ME3: variants seen among roughly 807,000 people sequenced by gnomAD.
ME3 encodes the protein NADP-dependent malic enzyme, mitochondrial.
In ME3, 48 loss-of-function variants were observed where a neutral mutation model predicts 68.9. That is an observed-to-expected ratio of 0.70 (90% confidence interval 0.55 to 0.89). ME3 has a LOEUF of 0.89. ME3 is among the 40% of genes least tolerant of loss of function. The probability of loss-of-function intolerance (pLI) is 0.00; values close to 1 mark genes in which losing one functional copy is unlikely to be tolerated. For missense variants in ME3, 675 were observed against 797.4 expected (o/e 0.85, Z 1.85); for synonymous variants, 320 against 318.8 (o/e 1.00, Z -0.04).
intron 2 of ME3, chr11:86,668,329 A>T (rs935205400): frequency 6.6e-6 from 1 of 152,226 alleles, no homozygotes; most frequent in African/African-American, 2.4e-5. Flanking sequence ...GTCATTTTAC[A>T]TGCTGACCTG....
intron 2 of ME3, among the ~76,000 whole-genome samples, chr11:86,587,690 G>A (rs1958821046): frequency 6.6e-6 from 1 of 152,194 alleles, no homozygotes; most frequent in Admixed American, 6.5e-5. Flanking sequence ...CGGTTTGTGT[G>A]AGCAAGCATC....
In ME3 at chr11:86,610,880, C is replaced by T. The variant is rs565077234; in HGVS notation, c.184-51057G>A. On this transcript the variant is annotated intron_variant, in intron 2 of 14. Transcript: ENST00000543262. ...AAGTGTTTTGCTGAACAAAACAGCA[C>T]CAACTGTTGGCCAGAAAAGCCAGGC... 4.6e-5 allele frequency among the ~76,000 whole-genome samples: 7 copies of T among 152,250 alleles called. No individual in the cohort carries two copies. The East Asian group carries it at 1.4e-3, about 29-fold the overall frequency.
chr11:86,599,261 C>T (rs931236061), intron 2 of ME3, among the ~76,000 whole-genome samples: 1 of 152,154 alleles, frequency 6.6e-6, no homozygotes, highest in African/African-American at 2.4e-5. Context: ...CTTAAAGGAG[C>T]TGATGAAGCT....
At chr11:86,531,870 A>G (rs1955262860) in intron 4 of ME3, among the ~76,000 whole-genome samples, 1 of 152,032 alleles carries the variant, frequency 6.6e-6, no homozygotes, top group Non-Finnish European at 1.5e-5. Flanking sequence ...AGATATACCT[A>G]ATATTAAATG....
chr11:86,557,794 A>G (rs904852160), intron 3 of ME3, among the ~76,000 whole-genome samples: 1 of 152,128 alleles, frequency 6.6e-6, no homozygotes, highest in Admixed American at 6.5e-5. Context: ...TCTTTTCTCA[A>G]TTCTACATTC....
At chr11:86,541,362 A>C (rs1010241289) in intron 4 of ME3, among the ~76,000 whole-genome samples, 1 of 151,978 alleles carries the variant, frequency 6.6e-6, no homozygotes. Context: ...AGTGGATCCC[A>C]CTCCCACAGA....
chr11:86,468,325 A>C (rs1287793776), intron 7 of ME3, among the ~76,000 whole-genome samples: 2 of 152,058 alleles, frequency 1.3e-5, no homozygotes, highest in East Asian at 3.9e-4. Context: ...ATCTATCATC[A>C]TCCAACCATC....
chr11:86,542,953 C>G (rs1956137511), intron 4 of ME3, among the ~76,000 whole-genome samples: 1 of 152,214 alleles, frequency 6.6e-6, no homozygotes, highest in African/African-American at 2.4e-5. Flanking sequence ...AACAGAGGAT[C>G]TTTCTGCAGA....
chr11:86,611,942 ATTTT>A (rs1194199847), intron 2 of ME3, among the ~76,000 whole-genome samples: 2 of 152,132 alleles, frequency 1.3e-5, no homozygotes, highest in African/African-American at 2.4e-5. Flanking sequence ...TTTATTTTTA[ATTTT>A]TATTTCTTCT....
chr11:86,654,954 C>A (rs1037439370), intron 2 of ME3, among the ~76,000 whole-genome samples: 1 of 152,168 alleles, frequency 6.6e-6, no homozygotes, highest in African/African-American at 2.4e-5. Flanking sequence ...ACACAAATAA[C>A]AGACAAACAG....
chr11:86,598,301 C>T (rs76851682), intron 2 of ME3, among the ~76,000 whole-genome samples: 47 of 152,342 alleles, frequency 3.1e-4, no homozygotes, highest in Admixed American at 1.9e-3. Context: ...GATTATATCC[C>T]GCACCTGGCT....
chr11:86,660,391 A>C (rs1330587149), intron 2 of ME3, among the ~76,000 whole-genome samples: 2 of 152,236 alleles, frequency 1.3e-5, no homozygotes, highest in African/African-American at 4.8e-5. Context: ...ATGTGCATTA[A>C]TCAAGAACTA....
At chr11:86,505,042 C>T (rs1447776128) in intron 5 of ME3, among the ~76,000 whole-genome samples, 2 of 152,190 alleles carry the variant, frequency 1.3e-5, no homozygotes, top group Admixed American at 6.5e-5. Flanking sequence ...GAAGTCCTTA[C>T]TCCAACTTCT....
chr11:86,440,330 G>A (rs899984388), downstream of ME3, among the ~76,000 whole-genome samples: 18 of 152,186 alleles, frequency 1.2e-4, no homozygotes, highest in African/African-American at 3.9e-4. Context: ...CTGAACATGA[G>A]AGAGATGAAG....
chr11:86,448,404 A>G (rs1593996753), intron 10 of ME3, 149 bp from the exon 11 acceptor site: 1 of 633,144 alleles, frequency 1.6e-6, no homozygotes, highest in African/African-American at 1.8e-5. Context: ...CTTCTTGACT[A>G]CATTTCCTGG....
At chr11:86,662,741 C>T (rs915062543) in intron 2 of ME3, among the ~76,000 whole-genome samples, 8 of 152,156 alleles carry the variant, frequency 5.3e-5, no homozygotes, top group African/African-American at 1.9e-4. Context: ...GTCCTAAAAA[C>T]ATTAGCTGTT....
At chr11:86,601,347 A>T (rs1446406794) in intron 2 of ME3, among the ~76,000 whole-genome samples, 1 of 152,238 alleles carries the variant, frequency 6.6e-6, no homozygotes, top group Admixed American at 6.5e-5. Context: ...AAACTAGAAA[A>T]GGTAGAAGAA....
At chr11:86,445,029 C>T (rs574045319) in intron 13 of ME3, among the ~76,000 whole-genome samples, 1 of 152,070 alleles carries the variant, frequency 6.6e-6, no homozygotes, top group Non-Finnish European at 1.5e-5. Context: ...TGTGGATGTC[C>T]CATGGTATTA....
At chr11:86,617,011 C>G (rs75415254) in intron 2 of ME3, among the ~76,000 whole-genome samples, 12,436 of 127,912 alleles carry the variant, frequency 0.097, 573 homozygotes, top group Middle Eastern at 0.18. Flanking sequence ...ACCTTTGCAA[C>G]TTTTCTGTAC....
Sources: gnomAD v4.1 joint callset for allele counts (sites outside exome capture counted in the v4.1 genomes callset) on GRCh38, gnomAD v4.1.1 for gene constraint, MANE v1.5 for transcripts, NCBI Gene and HGNC (gene_info 2026-07-23, HGNC 2026-07-21) for gene names.